Variants in CCDC3 observed in about 807,000 individuals in gnomAD.
The protein encoded by CCDC3 is coiled-coil domain containing 3, also known as coiled-coil domain-containing protein 3.
CCDC3 carries 24 observed loss-of-function variants against 21.4 expected under a neutral mutation model. The ratio of observed to expected loss-of-function variants is 1.12; its 90% CI spans 0.81 to 1.58. The LOEUF (loss-of-function observed/expected upper bound fraction) is 1.58. Among genes scored for constraint, CCDC3 ranks in the 40% most tolerant of loss-of-function variants. The probability of loss-of-function intolerance (pLI) is 0.00; values close to 1 mark genes in which losing one functional copy is unlikely to be tolerated. For missense variants in CCDC3, 425 were observed against 360.9 expected (o/e 1.18, Z -1.44); for synonymous variants, 186 against 166.0 (o/e 1.12, Z -0.93).
At chr10:12,987,801 G>C (rs1411016372) in intron 2 of CCDC3, among the ~76,000 whole-genome samples, 1 of 152,124 alleles carries the variant, frequency 6.6e-6, no homozygotes, top group African/African-American at 2.4e-5. Context: ...TGACAGCAGT[G>C]GTCTGTGATC....
chr10:13,048,326 G>A (rs1244301421), intron 5 of CCDC3, among the ~76,000 whole-genome samples: 1 of 151,892 alleles, frequency 6.6e-6, no homozygotes, highest in Non-Finnish European at 1.5e-5. Context: ...CTAGTAGCAG[G>A]GACTACAGGT....
intron 2 of CCDC3, among the ~76,000 whole-genome samples, chr10:12,987,796 G>C (rs542961429): frequency 6.6e-6 from 1 of 152,330 alleles, no homozygotes; most frequent in East Asian, 1.9e-4. Context: ...AGTAGTGACA[G>C]CAGTGGTCTG....
intron 4 of CCDC3, among the ~76,000 whole-genome samples, chr10:13,051,667 G>C (rs1836609426): frequency 6.6e-6 from 1 of 152,134 alleles, no homozygotes; most frequent in South Asian, 2.1e-4. Flanking sequence ...AATATCTAAA[G>C]TCTGGGCAAG....
intron 1 of CCDC3, 38 bp downstream of exon 1, chr10:13,001,157 CAG>C (rs150639288): frequency 8.6e-3 from 10,836 of 1,253,356 alleles, no homozygotes; most frequent in Admixed American, 0.025. Flanking sequence ...GGAGGTGGCG[CAG>C]AGAGAGAGAG....
intron 2 of CCDC3, among the ~76,000 whole-genome samples, chr10:12,972,735 T>G (rs935554291): frequency 6.6e-6 from 1 of 152,042 alleles, no homozygotes; most frequent in East Asian, 1.9e-4. Context: ...GAGAATCTCT[T>G]GAACCCGGGA....
intron 2 of CCDC3, among the ~76,000 whole-genome samples, chr10:12,987,234 G>T (rs1281049746): frequency 6.6e-6 from 1 of 152,134 alleles, no homozygotes; most frequent in Non-Finnish European, 1.5e-5. Context: ...TGGGTTAATT[G>T]TATCTCATCA....
At chr10:12,971,725 G>T (rs1251846369) in intron 2 of CCDC3, among the ~76,000 whole-genome samples, 6 of 152,076 alleles carry the variant, frequency 3.9e-5, no homozygotes, top group African/African-American at 1.4e-4. Flanking sequence ...TTGTACTGTT[G>T]CCCAGGCTGG....
intron 2 of CCDC3, among the ~76,000 whole-genome samples, chr10:12,968,935 G>A (rs1835300574): frequency 6.6e-6 from 1 of 152,014 alleles, no homozygotes; most frequent in South Asian, 2.1e-4. Flanking sequence ...CAGCAAGAGA[G>A]GAAGAAAGGA....
At chr10:13,006,932 A>T in intron 5 of CCDC3, among the ~76,000 whole-genome samples, 1 of 152,200 alleles carries the variant, frequency 6.6e-6, no homozygotes, top group East Asian at 1.9e-4. Context: ...TACTTTCAAG[A>T]GACATCATGA....
chr10:13,035,328 T>A (rs1394107343), intron 5 of CCDC3, among the ~76,000 whole-genome samples: 4 of 152,160 alleles, frequency 2.6e-5, no homozygotes, highest in Admixed American at 2.6e-4. Flanking sequence ...GCAGTGATGA[T>A]TCTTGCAGCT....
chr10:13,047,243 G>T (rs984926123), intron 5 of CCDC3, among the ~76,000 whole-genome samples: 14 of 152,052 alleles, frequency 9.2e-5, no homozygotes, highest in Non-Finnish European at 1.9e-4. Context: ...GTCCTCTTGT[G>T]ACCCTGAAGA....
chr10:13,058,103 G>A (rs935243301), intron 4 of CCDC3: 13 of 788,862 alleles, frequency 1.6e-5, no homozygotes, highest in African/African-American at 8.4e-5. Flanking sequence ...GTGTACTTCT[G>A]CAATAAATTC....
chr10:12,932,676 A>G (rs1477084384), intron 2 of CCDC3, among the ~76,000 whole-genome samples: 2 of 152,286 alleles, frequency 1.3e-5, no homozygotes, highest in African/African-American at 4.8e-5. Context: ...TGTATTAGCT[A>G]CAATAGAACT....
intron 5 of CCDC3, among the ~76,000 whole-genome samples, chr10:13,043,673 A>C (rs895968553): frequency 1.3e-5 from 2 of 152,210 alleles, no homozygotes; most frequent in Non-Finnish European, 2.9e-5. Context: ...CGTTGCTGCA[A>C]AGGACATGAT....
At chr10:12,981,510 G>A (rs957527075) in intron 2 of CCDC3, among the ~76,000 whole-genome samples, 9 of 152,020 alleles carry the variant, frequency 5.9e-5, no homozygotes, top group African/African-American at 2.2e-4. Context: ...ATCCACCTAA[G>A]CATATCATAT....
Position 12,992,528 on chromosome 10 carries a change from A to G in CCDC3, c.549+5810T>C, listed in dbSNP as rs564633031. On this transcript the variant is annotated intron_variant, in intron 2 of 2. Transcript: ENST00000378825. The stretch of plus-strand genomic sequence containing the variant: ...AGAGATCCGGATGGAACTGGAGACC[A>G]CTATTCTAAATGAAGTAACTCAGGA... Among the ~76,000 whole-genome samples the G allele has an allele frequency of 4.0e-4, 61 of 152,378 alleles. 1 individual carries two copies. Among genetic ancestry groups the G allele is most frequent in the African/African-American group, 1.3e-3 (52 of 41,590 alleles).
At chr10:13,088,379 A>G (rs139940607) in intron 3 of CCDC3, among the ~76,000 whole-genome samples, 82 of 152,354 alleles carry the variant, frequency 5.4e-4, no homozygotes, top group South Asian at 1.7e-3. Context: ...GGAAACGTGA[A>G]TTGAGCAAAC....
At chr10:12,948,732 T>TTTG (rs1303317049) in intron 2 of CCDC3, among the ~76,000 whole-genome samples, 19 of 125,312 alleles carry the variant, frequency 1.5e-4, no homozygotes, top group South Asian at 2.9e-4. Flanking sequence ...AAGGCAGTTT[T>TTTG]TTTTTTTTTT....
Position 12,957,619 on chromosome 10 carries a change from G to A in CCDC3, c.549+40719C>T, listed in dbSNP as rs182865420. Among the ~76,000 whole-genome samples, 35 of 152,230 alleles carry A rather than the reference G, an allele frequency of 2.3e-4. No homozygotes were observed. The East Asian group carries it at 3.5e-3, about 15-fold the overall frequency. On this transcript the variant is annotated intron_variant, in intron 2 of 2. Coordinates refer to ENST00000378825, the MANE Select transcript of CCDC3 (RefSeq NM_031455.4). ...GGCTTCGCACCATTCCCTTGGTGCC[G>A]TCCTCACGATAGTGAGAGTTCTCTC...
Sources: gnomAD v4.1 joint callset for allele counts (sites outside exome capture counted in the v4.1 genomes callset) on GRCh38, gnomAD v4.1.1 for gene constraint, MANE v1.5 for transcripts, NCBI Gene and HGNC (gene_info 2026-07-23, HGNC 2026-07-21) for gene names.